Variants in PAK4 observed in about 807,000 individuals in gnomAD.
PAK4 encodes the protein serine/threonine-protein kinase PAK 4.
Under a neutral mutation model 53.5 loss-of-function variants are expected in PAK4, and 49 were observed. The observed-to-expected ratio is 0.92, with a 90% CI of 0.73 to 1.16. The LOEUF is 1.16. Among genes scored for constraint, PAK4 ranks in the 50% most tolerant of loss-of-function variants. The probability of loss-of-function intolerance (pLI) is 0.00; values close to 1 mark genes in which losing one functional copy is unlikely to be tolerated. For missense variants in PAK4, 824 were observed against 850.7 expected, an observed-to-expected ratio of 0.97 and a Z score of 0.39; for synonymous variants, 376 against 375.6, an observed-to-expected ratio of 1.00 and a Z score of -0.01.
At chr19:39,167,324 G>A (rs1675103405) in intron 1 of PAK4, among the ~76,000 whole-genome samples, 3 of 152,232 alleles carry the variant, frequency 2.0e-5, no homozygotes, top group African/African-American at 7.2e-5. Flanking sequence ...CGGAGAGGCC[G>A]GAGGACATGG....
In PAK4 at chr19:39,135,490, C is replaced by CTTG. The variant is rs200982038; in HGVS notation, c.-23+9571_-23+9572insTTG. 6.8e-3 allele frequency among the ~76,000 whole-genome samples: 1,028 copies of CTTG among 152,080 alleles called. 11 individuals carry two copies. The highest frequency in any genetic ancestry group is 0.023 in the African/African-American group (950 of 41,458). ...AGCTGGGATTACAGGCATGTGCCACCACGCACGGCTAATTTTGTATTTTTA... is the reference window on the plus strand; with the variant it reads ...AGCTGGGATTACAGGCATGTGCCACCTTGACGCACGGCTAATTTTGTATTTTTA... On this transcript the variant is annotated intron_variant, in intron 1 of 8. Coordinates refer to ENST00000358301, the Ensembl canonical transcript of PAK4.
intron 1 of PAK4, among the ~76,000 whole-genome samples, chr19:39,165,200 T>TAAG (rs1374322085): frequency 1.4e-5 from 2 of 148,144 alleles, no homozygotes; most frequent in Admixed American, 1.3e-4. Context: ...ATGATGATAA[T>TAAG]AATAATAATA....
chr19:39,164,943 G>C (rs2074344995), intron 1 of PAK4, among the ~76,000 whole-genome samples: 1 of 151,986 alleles, frequency 6.6e-6, no homozygotes, highest in South Asian at 2.1e-4. Context: ...TTGGTTTTAA[G>C]CATCTTTCCT....
intron 1 of PAK4, among the ~76,000 whole-genome samples, chr19:39,139,713 C>T (rs2073879594): frequency 6.6e-6 from 1 of 152,232 alleles, no homozygotes; most frequent in African/African-American, 2.4e-5. Flanking sequence ...ACTCCCCAAT[C>T]TCCTTATCCT....
intron 1 of PAK4, among the ~76,000 whole-genome samples, chr19:39,142,150 C>T (rs914532865): frequency 7.2e-5 from 11 of 152,152 alleles, no homozygotes; most frequent in Non-Finnish European, 2.9e-5. Context: ...ATACTGGCAT[C>T]AGCTCTTTGG....
chr19:39,148,619 G>C (rs1239287969), intron 1 of PAK4, among the ~76,000 whole-genome samples: 1 of 151,130 alleles, frequency 6.6e-6, no homozygotes, highest in South Asian at 2.1e-4. Context: ...ACCATGCCTG[G>C]CTAATTTTTG....
In PAK4 at chr19:39,178,418, C is replaced by T. The variant is rs756952354; in HGVS notation, c.1621-6C>T. 147 of 1,578,638 alleles carry T rather than the reference C, an allele frequency of 9.3e-5. No homozygotes were observed. Among genetic ancestry groups the T allele is most frequent in the Non-Finnish European group, 1.2e-4 (139 of 1,163,084 alleles). ...CGCCCCCTGACCCTCCCCTCCTTCT[C>T]GACAGGTGTCGCCATCCCTGAAGGG... On this transcript the variant is annotated splice_polypyrimidine_tract_variant and splice_region_variant and intron_variant, in intron 8 of 8. Coordinates refer to ENST00000358301, the Ensembl canonical transcript of PAK4. The surrounding 1 kb of genome is among the most constrained non-coding windows in gnomAD (Gnocchi z 4.4).
At chr19:39,133,440 A>T (rs1190724188) in intron 1 of PAK4, among the ~76,000 whole-genome samples, 2 of 152,066 alleles carry the variant, frequency 1.3e-5, no homozygotes, top group Non-Finnish European at 2.9e-5. Context: ...TGTTCTTAGG[A>T]TCTCCCTTTT....
At chr19:39,130,575 G>T (rs73044471) in intron 1 of PAK4, among the ~76,000 whole-genome samples, 1 of 152,088 alleles carries the variant, frequency 6.6e-6, no homozygotes, top group Non-Finnish European at 1.5e-5. Flanking sequence ...AGGATCATCA[G>T]ATAGGCCGGT....
At chr19:39,174,334 C>T (rs774461210) in intron 4 of PAK4, among the ~76,000 whole-genome samples, 2 of 151,824 alleles carry the variant, frequency 1.3e-5, no homozygotes, top group Non-Finnish European at 2.9e-5. Flanking sequence ...CCAGACCTGC[C>T]CCTCCTGGGT....
At chr19:39,160,359 CCAGA>C (rs61105046) in intron 1 of PAK4, among the ~76,000 whole-genome samples, 54,383 of 151,794 alleles carry the variant, frequency 0.36, 9,786 homozygotes, top group Middle Eastern at 0.4. Context: ...CCGGCAAGAA[CCAGA>C]CAGACAGACA....
intron 1 of PAK4, among the ~76,000 whole-genome samples, chr19:39,164,507 C>T (rs2074337767): frequency 6.6e-6 from 1 of 152,016 alleles, no homozygotes; most frequent in Non-Finnish European, 1.5e-5. Context: ...GGAACCATGT[C>T]TAGGATTTGA....
downstream of PAK4, chr19:39,181,354 A>T (rs2074699260): frequency 6.6e-6 from 1 of 152,118 alleles, no homozygotes; most frequent in South Asian, 2.1e-4. Context: ...AGGAAAACAG[A>T]CCCCAACTAG....
intron 1 of PAK4, among the ~76,000 whole-genome samples, chr19:39,127,672 C>T (rs2073614309): frequency 6.6e-6 from 1 of 152,128 alleles, no homozygotes; most frequent in Non-Finnish European, 1.5e-5. Context: ...GCACTCAGTT[C>T]CCTGGTGGGA....
At chr19:39,126,649 A>G (rs992745232) in intron 1 of PAK4, among the ~76,000 whole-genome samples, 4 of 152,116 alleles carry the variant, frequency 2.6e-5, no homozygotes, top group African/African-American at 7.2e-5. Flanking sequence ...GATTTGCACA[A>G]GGTCACCCGA....
chr19:39,167,186 C>T (rs1042936779), intron 1 of PAK4, among the ~76,000 whole-genome samples: 5 of 152,192 alleles, frequency 3.3e-5, no homozygotes, highest in South Asian at 2.1e-4. Flanking sequence ...ATCCTCTTCC[C>T]GTGGCTCTGG....
At chr19:39,179,738 AG>A (rs1176897035), downstream of PAK4, 1 of 152,266 alleles carries the variant, frequency 6.6e-6, no homozygotes, top group Non-Finnish European at 1.5e-5. Context: ...AACCCAAGTT[AG>A]TAAATTGAAG....
chr19:39,175,738 GA>G lies in PAK4; in HGVS notation c.1359+304del, dbSNP rs1217999736. ...CCCGCCACAGGCTTCTTCCTCCACT[GA>G]AAAGCTGCTCCCTGCCCAGCACCCA... On this transcript the variant is annotated intron_variant, in intron 6 of 8. Coordinates refer to ENST00000358301, the Ensembl canonical transcript of PAK4. This position sits in a 1 kb window ranked among gnomAD's most constrained non-coding sequence, Gnocchi z 4.7. Among the ~76,000 whole-genome samples the G allele has an allele frequency of 6.6e-6, 1 of 152,190 alleles. No individual in the cohort carries two copies. Among genetic ancestry groups the G allele is most frequent in the Non-Finnish European group, 1.5e-5 (1 of 68,032 alleles).
intron 1 of PAK4, among the ~76,000 whole-genome samples, chr19:39,130,045 G>A (rs2049400768): frequency 6.6e-6 from 1 of 150,950 alleles, no homozygotes; most frequent in African/African-American, 2.4e-5. Flanking sequence ...GCCCAGAGAG[G>A]CCAGGGCTGT....
Sources: gnomAD v4.1 joint callset for allele counts (sites outside exome capture counted in the v4.1 genomes callset) on GRCh38, gnomAD v4.1.1 for gene constraint, Gnocchi (gnomAD v3.1) non-coding constraint, MANE v1.5 for transcripts, NCBI Gene and HGNC (gene_info 2026-07-23, HGNC 2026-07-21) for gene names.